The following LHX4 variants were observed in gnomAD, a reference collection of about 807,000 sequenced individuals.
LHX4 encodes the protein LIM/homeobox protein Lhx4.
LHX4 carries 16 observed loss-of-function variants against 39.2 expected under a neutral mutation model. That is an observed-to-expected ratio of 0.41 (90% CI 0.28 to 0.62). LHX4 has a LOEUF of 0.62. LHX4 is among the 20% of genes least tolerant of loss of function. The pLI is 0.33. For synonymous variants in LHX4, 206 were observed against 198.1 expected (o/e 1.04, Z -0.33); for missense variants, 439 against 511.9 (o/e 0.86, Z 1.37).
intron 2 of LHX4, among the ~76,000 whole-genome samples, chr1:180,255,500 T>G (rs1204370158): frequency 6.6e-6 from 1 of 152,242 alleles, no homozygotes; most frequent in African/African-American, 2.4e-5. Context: ...TCTGAATAGT[T>G]TATAGTCTAA....
Position 180,230,512 on chromosome 1 carries a change from G to T in LHX4, c.-18G>T. On this transcript the variant is annotated 5_prime_UTR_variant, in exon 1 of 6. Coordinates refer to ENST00000263726, the MANE Select transcript of LHX4 (RefSeq NM_033343.4). The surrounding 1 kb of genome is among the most constrained non-coding windows in gnomAD (Gnocchi z 5.8). Reference sequence around the variant, plus strand: ...GAGAGATCTCCGTAGACTGCGACTCGCTGGCTTTCGCTCCGAGATGATGCA... The same window carrying T: ...GAGAGATCTCCGTAGACTGCGACTCTCTGGCTTTCGCTCCGAGATGATGCA... 1.2e-6 allele frequency: 2 copies of T among 1,609,842 alleles called. No homozygotes were observed. The highest frequency in any genetic ancestry group is 1.7e-6 in the Non-Finnish European group (2 of 1,176,720).
At chr1:180,261,958 T>C (rs142865606) in intron 2 of LHX4, among the ~76,000 whole-genome samples, 4 of 152,302 alleles carry the variant, frequency 2.6e-5, no homozygotes, top group East Asian at 1.9e-4. Flanking sequence ...TTTCTAGCAA[T>C]GAACATGAAG....
intron 5 of LHX4, 29 bp from the exon 6 acceptor site, chr1:180,274,156 A>G (rs1231775691): frequency 6.2e-7 from 1 of 1,614,068 alleles, no homozygotes; most frequent in East Asian, 2.2e-5. Context: ...CTGGCAGCTG[A>G]CAATAAATCT....
In LHX4 at chr1:180,274,627, C is replaced by T. The variant is rs373806372; in HGVS notation, c.*48C>T. On this transcript the variant is annotated 3_prime_UTR_variant, in exon 6 of 6. Coordinates refer to ENST00000263726, the MANE Select transcript of LHX4 (RefSeq NM_033343.4). Reference sequence around the variant, plus strand: ...CTGCCCCCCTGGCTTGAGAGAATATCTTCAAGGATCAAAAGAGACTTGCCT... The same window carrying T: ...CTGCCCCCCTGGCTTGAGAGAATATTTTCAAGGATCAAAAGAGACTTGCCT... 2 of 1,500,522 alleles carry T rather than the reference C, an allele frequency of 1.3e-6. No individual in the cohort carries two copies. Among genetic ancestry groups the T allele is most frequent in the Non-Finnish European group, 8.9e-7 (1 of 1,127,992 alleles). 93.0% of individuals were successfully genotyped at this position (1,500,522 alleles called of 1,614,324 possible).
chr1:180,248,158 C>G, intron 1 of LHX4, 127 bp from the exon 2 acceptor site: 1 of 838,334 alleles, frequency 1.2e-6, no homozygotes, highest in Non-Finnish European at 2.0e-6. Flanking sequence ...CTATATGCAA[C>G]AGCTCTGCGG....
At chr1:180,229,953 C>CGGGG (rs1441619495), upstream of LHX4, among the ~76,000 whole-genome samples, 1 of 30,232 alleles carries the variant, frequency 3.3e-5, no homozygotes, top group Admixed American at 2.5e-4. Context: ...GAGGCGGAGG[C>CGGGG]GGAGGCGGGG....
chr1:180,272,052 CT>C, intron 5 of LHX4, 46 bp downstream of exon 5: 1 of 1,558,536 alleles, frequency 6.4e-7, no homozygotes, highest in Non-Finnish European at 8.7e-7. Context: ...GGAAAGTCCC[CT>C]GGGAATCTGT....
At chr1:180,249,796 C>T (rs357078) in intron 2 of LHX4, among the ~76,000 whole-genome samples, 42,686 of 152,140 alleles carry the variant, frequency 0.28, 7,770 homozygotes, top group African/African-American at 0.52. Flanking sequence ...CGTGGGGCTG[C>T]CTCCCCGCCT....
intron 1 of LHX4, among the ~76,000 whole-genome samples, chr1:180,242,214 C>T (rs1468759928): frequency 6.6e-6 from 1 of 151,252 alleles, no homozygotes; most frequent in African/African-American, 2.4e-5. Flanking sequence ...CTTTTTTTTT[C>T]CAGAGTGGCA....
At chr1:180,257,149 T>C (rs357063) in intron 2 of LHX4, among the ~76,000 whole-genome samples, 73,424 of 151,792 alleles carry the variant, frequency 0.48, 18,961 homozygotes, top group African/African-American at 0.69. Context: ...GACGGGAGAG[T>C]TGGGCTCTCG....
chr1:180,229,020 T>A (rs1300030165), upstream of LHX4, among the ~76,000 whole-genome samples: 1 of 152,190 alleles, frequency 6.6e-6, no homozygotes, highest in Non-Finnish European at 1.5e-5. Flanking sequence ...CCCGGAGGCG[T>A]CGAGCGCCTG....
intron 2 of LHX4, among the ~76,000 whole-genome samples, chr1:180,262,956 C>A (rs912580346): frequency 6.6e-6 from 1 of 152,194 alleles, no homozygotes; most frequent in Non-Finnish European, 1.5e-5. Flanking sequence ...GGATCAGCTC[C>A]AGCTGCTCTC....
intron 2 of LHX4, among the ~76,000 whole-genome samples, chr1:180,249,985 G>T: frequency 6.6e-6 from 1 of 152,016 alleles, no homozygotes; most frequent in East Asian, 1.9e-4. Context: ...GAGTGTGAGT[G>T]AGCGTGTGAA....
At chr1:180,273,039 G>A (rs1648785988) in intron 5 of LHX4, 1 of 151,122 alleles carries the variant, frequency 6.6e-6, no homozygotes, top group Non-Finnish European at 1.5e-5. Flanking sequence ...TCCCTTTAAA[G>A]AGCATGAGCT....
chr1:180,268,120 A>G (rs1328559809), intron 3 of LHX4, among the ~76,000 whole-genome samples: 1 of 152,180 alleles, frequency 6.6e-6, no homozygotes, highest in East Asian at 1.9e-4. Flanking sequence ...ACTCCATGCT[A>G]TTGCCTTGAA....
chr1:180,237,418 C>A (rs901033333), intron 1 of LHX4, among the ~76,000 whole-genome samples: 1 of 152,264 alleles, frequency 6.6e-6, no homozygotes, highest in East Asian at 1.9e-4. Flanking sequence ...ATTTAGTCCT[C>A]AATTTTATAG....
At position 180,260,777 on chromosome 1, in the gene LHX4, C is replaced by A. The variant is rs548228460; in HGVS notation, c.249-5615C>A. 1.3e-4 allele frequency among the ~76,000 whole-genome samples: 20 copies of A among 151,976 alleles called. No individual in the cohort carries two copies. The South Asian group carries it at 4.1e-3, about 32-fold the overall frequency. ...CCACATGAGGGGGACAGGCCCTCTCCTCGAGCTCCAGCCTAGGTCAGGGCA... is the reference window on the plus strand; with the variant it reads ...CCACATGAGGGGGACAGGCCCTCTCATCGAGCTCCAGCCTAGGTCAGGGCA... On this transcript the variant is annotated intron_variant, in intron 2 of 5. Coordinates refer to ENST00000263726, the MANE Select transcript of LHX4 (RefSeq NM_033343.4).
intron 1 of LHX4, among the ~76,000 whole-genome samples, chr1:180,240,611 A>C (rs938909405): frequency 1.4e-4 from 22 of 152,234 alleles, no homozygotes; most frequent in African/African-American, 5.3e-4. Context: ...ACGCTCTGTG[A>C]AATGTTTCAT....
Position 180,254,417 on chromosome 1 carries a change from G to A in LHX4, c.248+5961G>A, listed in dbSNP as rs569523390. 4.6e-5 allele frequency among the ~76,000 whole-genome samples: 7 copies of A among 152,358 alleles called. No individual in the cohort carries two copies. In the South Asian group the frequency reaches 8.3e-4, roughly 18 times the overall value. On this transcript the variant is annotated intron_variant, in intron 2 of 5. Transcript: ENST00000263726. ...CCCCCAGCCTGCCAGTCTGCAGGCC[G>A]TAGGTGGGCTGTCCGCCAAGGGCAG...
Sources: gnomAD v4.1 joint callset for allele counts (sites outside exome capture counted in the v4.1 genomes callset) on GRCh38, gnomAD v4.1.1 for gene constraint, Gnocchi (gnomAD v3.1) non-coding constraint, MANE v1.5 for transcripts, NCBI Gene and HGNC (gene_info 2026-07-23, HGNC 2026-07-21) for gene names.